Variants in FGF13 observed in about 807,000 individuals in gnomAD.
FGF13 encodes fibroblast growth factor 13, also known as fibroblast growth factor homologous factor 2.
FGF13 carries 2 observed loss-of-function variants against 19.5 expected under a neutral mutation model. The ratio of observed to expected loss-of-function variants is 0.10; its 90% CI spans 0.04 to 0.32. The LOEUF is 0.32. Ranked by LOEUF, FGF13 falls within the 10% of genes least tolerant of loss-of-function variation. The probability of loss-of-function intolerance (pLI) is 1.00; values close to 1 mark genes in which losing one functional copy is unlikely to be tolerated. For missense variants in FGF13, 113 were observed against 192.7 expected (o/e 0.59, Z 2.45); for synonymous variants, 72 against 76.9 (o/e 0.94, Z 0.33).
chrX:139,033,001 G>A (rs2092233846), intron 1 of FGF13, among the ~76,000 whole-genome samples: 1 of 50,211 alleles, frequency 2.0e-5, no homozygotes, highest in African/African-American at 7.8e-5. Flanking sequence ...ATAATTAGAA[G>A]ACCAAAGTCA....
At chrX:138,641,067 C>G (rs2089246389) in intron 3 of FGF13, among the ~76,000 whole-genome samples, 1 of 112,361 alleles carries the variant, frequency 8.9e-6, no homozygotes, top group African/African-American at 3.2e-5. Flanking sequence ...GCCTGGCGAA[C>G]AAAGCCTGTG....
intron 1 of FGF13, among the ~76,000 whole-genome samples, chrX:139,022,289 C>T (rs1455470049): frequency 8.9e-6 from 1 of 112,056 alleles, no homozygotes; most frequent in Non-Finnish European, 1.9e-5. Flanking sequence ...GGGGCAATAA[C>T]TCCAACCTTC....
intron 3 of FGF13, among the ~76,000 whole-genome samples, chrX:138,754,715 T>G (rs2090420979): frequency 9.0e-6 from 1 of 111,503 alleles, no homozygotes; most frequent in African/African-American, 3.3e-5. Flanking sequence ...CAATGTGGTT[T>G]ATGCCAAACC....
In FGF13 at chrX:139,189,643, G is replaced by A. The variant is rs139568084; in HGVS notation, c.-113+13773C>T. ...TAGCTAAAGTAGTCAAACCCATAGA[G>A]ACAAAGTAGAATGGAGGTTGCAAGG... is the stretch of plus-strand genomic sequence containing the variant. On this transcript the variant is annotated intron_variant, in intron 1 of 2. Coordinates refer to the FGF13 transcript ENST00000421460. Among the ~76,000 whole-genome samples the A allele has an allele frequency of 8.3e-3, 932 of 111,726 alleles. 10 individuals are homozygous for A. Among genetic ancestry groups the A allele is most frequent in the African/African-American group, 0.028 (871 of 30,722 alleles).
intron 1 of FGF13, among the ~76,000 whole-genome samples, chrX:138,969,655 T>C (rs887995023): frequency 2.7e-5 from 3 of 111,829 alleles, no homozygotes; most frequent in African/African-American, 9.8e-5. Context: ...CAAAACGGAA[T>C]GTATTAGGAA....
intron 1 of FGF13, among the ~76,000 whole-genome samples, chrX:138,904,674 G>A (rs1417174868): frequency 3.6e-5 from 4 of 111,576 alleles, no homozygotes; most frequent in Non-Finnish European, 7.5e-5. Flanking sequence ...TGCTTGGCCT[G>A]TGGTAGAACC....
At chrX:139,094,792 A>AT (rs2083459877) in intron 1 of FGF13, among the ~76,000 whole-genome samples, 1 of 111,814 alleles carries the variant, frequency 8.9e-6, no homozygotes, top group Admixed American at 9.4e-5. Context: ...CTTGACTCCC[A>AT]CTCTGCTATG....
chrX:138,812,039 A>G (rs2090929820), intron 3 of FGF13, among the ~76,000 whole-genome samples: 1 of 110,316 alleles, frequency 9.1e-6, no homozygotes, highest in Non-Finnish European at 1.9e-5. Flanking sequence ...CACCCCAAAA[A>G]GAAACCCCAT....
At chrX:138,653,220 T>C (rs1186336357) in intron 3 of FGF13, among the ~76,000 whole-genome samples, 2 of 111,042 alleles carry the variant, frequency 1.8e-5, no homozygotes, top group Admixed American at 1.9e-4. Flanking sequence ...CAATTTCTCT[T>C]CAATTTACCA....
intron 1 of FGF13, among the ~76,000 whole-genome samples, chrX:138,727,322 C>T (rs1602751989): frequency 9.1e-6 from 1 of 110,133 alleles, no homozygotes; most frequent in South Asian, 3.9e-4. Flanking sequence ...GAAGCCCCCC[C>T]TGCTGCTAGT....
chrX:139,002,252 T>C (rs1462345200), intron 1 of FGF13, among the ~76,000 whole-genome samples: 1 of 110,981 alleles, frequency 9.0e-6, no homozygotes, highest in East Asian at 2.8e-4. Flanking sequence ...GACAAGTTGA[T>C]GGGTGTAGCA....
rs760018266 is a variant in FGF13, at chrX:138,809,543, G to A, written c.217+47969C>T. Among the ~76,000 whole-genome samples the A allele has an allele frequency of 2.7e-5, 3 of 111,661 alleles. No individual in the cohort carries two copies. In the East Asian group the frequency reaches 8.5e-4, roughly 32 times the overall value. ...CCCTTTGAAAACTGGCACAAGGCAG[G>A]GAGGCCTTCTCTCACCACTCCTATT... On this transcript the variant is annotated intron_variant, in intron 3 of 6. Coordinates refer to the FGF13 transcript ENST00000436198.
chrX:138,955,093 G>C (rs2091834406), intron 1 of FGF13, among the ~76,000 whole-genome samples: 1 of 111,861 alleles, frequency 8.9e-6, no homozygotes, highest in Non-Finnish European at 1.9e-5. Flanking sequence ...TCCTCAATCA[G>C]ACTGTCTGGG....
chrX:138,749,045 G>C, intron 3 of FGF13, among the ~76,000 whole-genome samples: 1 of 110,991 alleles, frequency 9.0e-6, no homozygotes, highest in Non-Finnish European at 1.9e-5. Context: ...CTTTCTTCAA[G>C]GAGTTCAGTG....
chrX:138,811,998 A>T lies in FGF13; in HGVS notation c.217+45514T>A, dbSNP rs955764549. 1.0e-4 allele frequency among the ~76,000 whole-genome samples: 11 copies of T among 109,461 alleles called. No individual in the cohort carries two copies. The Admixed American group carries it at 1.1e-3, about 11-fold the overall frequency. On this transcript the variant is annotated intron_variant, in intron 3 of 6. Coordinates refer to the FGF13 transcript ENST00000436198. The stretch of plus-strand genomic sequence containing the variant: ...TAATGTGTTGACAAGGTTTGCAACC[A>T]TCACCACAATCAATTTTAGAATGTT...
At chrX:138,882,333 A>T (rs182453794) in intron 1 of FGF13, among the ~76,000 whole-genome samples, 80 of 111,590 alleles carry the variant, frequency 7.2e-4, no homozygotes, top group South Asian at 2.3e-3. Flanking sequence ...TGTGCACTTG[A>T]GAAAAAATGT....
At chrX:138,638,828 T>A (rs2089213801) in intron 3 of FGF13, among the ~76,000 whole-genome samples, 2 of 111,622 alleles carry the variant, frequency 1.8e-5, no homozygotes, top group African/African-American at 3.3e-5. Context: ...CTGGCACCTA[T>A]AACGTGGCAC....
intron 1 of FGF13, among the ~76,000 whole-genome samples, chrX:139,187,899 T>C (rs2084294447): frequency 8.9e-6 from 1 of 112,192 alleles, no homozygotes; most frequent in Admixed American, 9.4e-5. Flanking sequence ...AGGAATAATG[T>C]ACTTCCTTCC....
At chrX:139,050,924 G>A (rs180906616) in intron 1 of FGF13, among the ~76,000 whole-genome samples, 3 of 111,699 alleles carry the variant, frequency 2.7e-5, no homozygotes, top group South Asian at 7.5e-4. Flanking sequence ...TTTTATATAG[G>A]TGTGAGAAGC....
Sources: allele counts gnomAD v4.1 joint callset (sites outside exome capture counted in the v4.1 genomes callset), GRCh38; gene constraint gnomAD v4.1.1; transcripts MANE v1.5; gene names NCBI Gene and HGNC (gene_info 2026-07-23, HGNC 2026-07-21).